Variants in ELF5 observed in about 807,000 individuals in gnomAD.
ELF5 encodes E74 like ETS transcription factor 5.
Under a neutral mutation model 38.2 loss-of-function variants are expected in ELF5, and 31 were observed. The ratio of observed to expected loss-of-function variants is 0.81; its 90% confidence interval spans 0.61 to 1.10. The LOEUF is 1.10. Ranked by LOEUF, ELF5 falls within the 50% of genes least tolerant of loss-of-function variation. ELF5 has a pLI of 0.00. For missense variants in ELF5, 300 were observed against 306.6 expected, an observed-to-expected ratio of 0.98 and a Z score of 0.16; for synonymous variants, 121 against 112.5, an observed-to-expected ratio of 1.08 and a Z score of -0.48.
In ELF5 at chr11:34,488,794, A is replaced by G. The variant is rs1161435171; in HGVS notation, c.406+1215T>C. Among the ~76,000 whole-genome samples the G allele has an allele frequency of 2.0e-5, 3 of 152,212 alleles. No individual in the cohort carries two copies. The East Asian group carries it at 5.8e-4, about 29-fold the overall frequency. ...GGTCAGGTCTAGGTCACTACTACTT[A>G]GAGAGTAAAGCAAATGCCTGCCTGT... On this transcript the variant is annotated intron_variant, in intron 4 of 6. Transcript: ENST00000257832.
intron 2 of ELF5, among the ~76,000 whole-genome samples, chr11:34,498,422 A>G (rs1850369268): frequency 6.6e-6 from 1 of 152,148 alleles, no homozygotes; most frequent in African/African-American, 2.4e-5. Context: ...TCTTCATAAA[A>G]AAATAGGAGT....
chr11:34,478,946 C>T lies in ELF5; in HGVS notation c.*1272G>A, dbSNP rs986344889. On this transcript the variant is annotated 3_prime_UTR_variant, in exon 7 of 7. Coordinates refer to ENST00000257832, the MANE Select transcript of ELF5 (RefSeq NM_001422.4). ...ATAAGGAGGTCTTCAGCCTGTACAG[C>T]GATTCAGTGCCTCACCACTTGATTC... 2.0e-5 allele frequency: 3 copies of T among 152,624 alleles called. No homozygotes were observed. The highest frequency in any genetic ancestry group is 6.5e-5 in the Admixed American group (1 of 15,280). 9.5% of individuals were successfully genotyped at this position (152,624 alleles called of 1,614,324 possible).
At chr11:34,489,185 CTT>C (rs1224028179) in intron 4 of ELF5, among the ~76,000 whole-genome samples, 1 of 152,244 alleles carries the variant, frequency 6.6e-6, no homozygotes, top group African/African-American at 2.4e-5. Flanking sequence ...ATTCCAAAAA[CTT>C]TTGTTAACTA....
chr11:34,498,463 C>A (rs1850370647), intron 2 of ELF5, among the ~76,000 whole-genome samples: 1 of 152,110 alleles, frequency 6.6e-6, no homozygotes, highest in African/African-American at 2.4e-5. Context: ...GAAACCAAAC[C>A]TAGCTAATTT....
In ELF5 at chr11:34,479,130, G is replaced by T. The variant is rs1311286228; in HGVS notation, c.*1088C>A. 1 of 152,592 alleles carries T rather than the reference G, an allele frequency of 6.6e-6. No homozygotes were observed. The highest frequency in any genetic ancestry group is 1.5e-5 in the Non-Finnish European group (1 of 68,034). The allele number at this position is 152,592 out of a possible 1,614,324, so 9.5% of individuals were successfully genotyped here. On this transcript the variant is annotated 3_prime_UTR_variant, in exon 7 of 7. Coordinates refer to ENST00000257832, the MANE Select transcript of ELF5 (RefSeq NM_001422.4). ...GTCACTATTTTTGTCAAGGAAATACGTGTTATAGCGCTTGAATACACATCA... is the reference window on the plus strand; with the variant it reads ...GTCACTATTTTTGTCAAGGAAATACTTGTTATAGCGCTTGAATACACATCA...
chr11:34,480,422 G>GAT, intron 6 of ELF5, 108 bp from the exon 7 acceptor site: 2 of 860,972 alleles, frequency 2.3e-6, no homozygotes, highest in South Asian at 3.0e-5. Context: ...GCTGGTCTTT[G>GAT]GTTACCCTGG....
chr11:34,484,146 A>G (rs537325363), intron 4 of ELF5, among the ~76,000 whole-genome samples: 1 of 149,772 alleles, frequency 6.7e-6, no homozygotes, highest in South Asian at 2.1e-4. Flanking sequence ...GTATTATACT[A>G]TAGTATACTA....
At chr11:34,482,348 G>T in intron 5 of ELF5, 83 bp downstream of exon 5, 1 of 1,324,468 alleles carries the variant, frequency 7.6e-7, no homozygotes, top group Non-Finnish European at 1.1e-6. Context: ...CAAACATTTA[G>T]TTTCAAAGCT....
chr11:34,495,164 G>C (rs7106485), intron 2 of ELF5, among the ~76,000 whole-genome samples: 20,125 of 152,216 alleles, frequency 0.13, 1,474 homozygotes, highest in Admixed American at 0.21. Flanking sequence ...GCACAGAGCA[G>C]AGATGGAACG....
chr11:34,488,920 A>G (rs1041568944), intron 4 of ELF5, among the ~76,000 whole-genome samples: 3 of 152,192 alleles, frequency 2.0e-5, no homozygotes, highest in Admixed American at 2.0e-4. Context: ...GCTGGGATTT[A>G]CATCCCCCAG....
Position 34,509,951 on chromosome 11 carries a change from C to T in ELF5, c.-5+3726G>A, listed in dbSNP as rs183908032. On this transcript the variant is annotated intron_variant, in intron 1 of 6. Transcript: ENST00000257832. ...AACACGACAGTGGGAATGAGATCTTCCTCATCTATGCCTCACTAATTGCTC... is the reference window on the plus strand; with the variant it reads ...AACACGACAGTGGGAATGAGATCTTTCTCATCTATGCCTCACTAATTGCTC... Among the ~76,000 whole-genome samples the T allele has an allele frequency of 1.7e-3, 261 of 152,264 alleles. 5 individuals are homozygous for T. Among genetic ancestry groups the T allele is most frequent in the African/African-American group, 6.0e-3 (250 of 41,548 alleles).
At chr11:34,511,639 G>A (rs1181143129) in intron 1 of ELF5, 4 of 1,597,558 alleles carry the variant, frequency 2.5e-6, no homozygotes, top group Admixed American at 1.7e-5. Context: ...CACACCAAAT[G>A]CACACAGAGA....
At position 34,501,161 on chromosome 11, in the gene ELF5, C is replaced by T. The variant is rs1027196302; in HGVS notation, c.121+4468G>A. ...TGTATTCTGGCTCCTGCAGCCCAGC[C>T]TCACTGTGCTCTACCGTCTTCAGAA... On this transcript the variant is annotated intron_variant, in intron 2 of 6. Coordinates refer to ENST00000257832, the MANE Select transcript of ELF5 (RefSeq NM_001422.4). Among the ~76,000 whole-genome samples, 13 of 152,198 alleles carry T rather than the reference C, an allele frequency of 8.5e-5. 1 individual carries two copies.
chr11:34,505,827 G>C (rs1850603192), intron 1 of ELF5, 74 bp from the exon 2 acceptor site: 8 of 1,509,476 alleles, frequency 5.3e-6, no homozygotes, highest in Non-Finnish European at 7.1e-6. Context: ...GGAGCCCCTA[G>C]CAGGGCGATA....
chr11:34,480,140 A>T lies in ELF5; in HGVS notation c.*78T>A. 8.6e-7 allele frequency: 1 copy of T among 1,161,526 alleles called. No homozygotes were observed. The highest frequency in any genetic ancestry group is 1.3e-6 in the Non-Finnish European group (1 of 795,364). 72.0% of individuals were successfully genotyped at this position (1,161,526 alleles called of 1,614,324 possible). A position where few individuals can be genotyped will look rare whatever the true frequency, so the allele number is the denominator to read the frequency against. Reference sequence around the variant, plus strand: ...GTTAAAAAAAAAGAGAAGAAAATGAAGCCTTTCGAATGTCTATTGCAATCT... The same window carrying T: ...GTTAAAAAAAAAGAGAAGAAAATGATGCCTTTCGAATGTCTATTGCAATCT... On this transcript the variant is annotated 3_prime_UTR_variant, in exon 7 of 7. Transcript: ENST00000257832.
At chr11:34,483,965 CTAT>C (rs1188633053) in intron 4 of ELF5, among the ~76,000 whole-genome samples, 6 of 151,596 alleles carry the variant, frequency 4.0e-5, no homozygotes, top group Non-Finnish European at 8.8e-5. Flanking sequence ...CTGTAGTATA[CTAT>C]ATTTACTGTA....
chr11:34,505,838 C>T (rs1850603610), intron 1 of ELF5, 85 bp from the exon 2 acceptor site: 3 of 1,467,440 alleles, frequency 2.0e-6, no homozygotes, highest in South Asian at 1.4e-5. Context: ...CAGGGCGATA[C>T]TTGTTTTTTA....
chr11:34,486,585 C>T (rs1356217814), intron 4 of ELF5, among the ~76,000 whole-genome samples: 4 of 152,118 alleles, frequency 2.6e-5, no homozygotes, highest in Non-Finnish European at 5.9e-5. Context: ...TGTGTGTGTG[C>T]ATGTGTGAGT....
intron 3 of ELF5, among the ~76,000 whole-genome samples, chr11:34,490,311 C>A (rs1213242192): frequency 1.3e-5 from 2 of 152,182 alleles, no homozygotes; most frequent in Non-Finnish European, 2.9e-5. Context: ...GCAGCCTCTG[C>A]AGATTTTCTG....
Sources: gnomAD v4.1 joint callset for allele counts (sites outside exome capture counted in the v4.1 genomes callset) on GRCh38, gnomAD v4.1.1 for gene constraint, MANE v1.5 for transcripts, NCBI Gene and HGNC (gene_info 2026-07-23, HGNC 2026-07-21) for gene names.